Variants in DYM observed in about 807,000 individuals in gnomAD.
DYM encodes the protein dyggve-Melchior-Clausen syndrome protein.
DYM carries 78 observed loss-of-function variants against 93.1 expected under a neutral mutation model. The ratio of observed to expected loss-of-function variants is 0.84; its 90% CI spans 0.70 to 1.01. The LOEUF (loss-of-function observed/expected upper bound fraction) is 1.01, where lower values mean the gene tolerates loss of function less well. Among genes scored for constraint, DYM ranks in the 50% least tolerant of loss-of-function variants. The probability of loss-of-function intolerance (pLI) is 0.00; values close to 1 mark genes in which losing one functional copy is unlikely to be tolerated. For synonymous variants in DYM, 321 were observed against 319.7 expected, an observed-to-expected ratio of 1.00 and a Z score of -0.04; for missense variants, 789 against 845.0, an observed-to-expected ratio of 0.93 and a Z score of 0.82.
intron 2 of DYM, among the ~76,000 whole-genome samples, chr18:49,408,869 C>G (rs2071843075): frequency 6.6e-6 from 1 of 152,180 alleles, no homozygotes; most frequent in Non-Finnish European, 1.5e-5. Flanking sequence ...AGTTTATAAC[C>G]TCTATGGACT....
At position 49,405,544 on chromosome 18, in the gene DYM, T is replaced by C. The variant is rs76096394; in HGVS notation, c.141-13899A>G. ...TCCGCTTTGACAAAGATCAGATAGC[T>C]GTAGGTATATGGCTTTATTTCTGGG... On this transcript the variant is annotated intron_variant, in intron 2 of 17. Coordinates refer to ENST00000675505, the MANE Select transcript of DYM (RefSeq NM_001353214.3). 5.8e-4 allele frequency among the ~76,000 whole-genome samples: 89 copies of C among 152,352 alleles called. 1 individual carries two copies. The highest frequency in any genetic ancestry group is 1.0e-3 in the Non-Finnish European group (68 of 68,030).
intron 14 of DYM, among the ~76,000 whole-genome samples, chr18:49,176,129 T>C (rs370359584): frequency 6.6e-6 from 1 of 152,134 alleles, no homozygotes; most frequent in East Asian, 1.9e-4. Flanking sequence ...GAATTTCCCC[T>C]AGCTAAGGTA....
chr18:49,446,631 G>A (rs750622223), intron 1 of DYM, among the ~76,000 whole-genome samples: 10 of 152,212 alleles, frequency 6.6e-5, no homozygotes, highest in Non-Finnish European at 1.5e-4. Flanking sequence ...TATGTGGCCA[G>A]CAGTATGCAA....
chr18:49,075,962 T>C (rs761065474), intron 17 of DYM, among the ~76,000 whole-genome samples: 5 of 152,220 alleles, frequency 3.3e-5, no homozygotes, highest in Admixed American at 2.0e-4. Flanking sequence ...TTTTCTTTCA[T>C]TGGGGCTGTG....
intron 11 of DYM, among the ~76,000 whole-genome samples, chr18:49,270,571 C>T (rs2094671032): frequency 6.6e-6 from 1 of 152,018 alleles, no homozygotes; most frequent in Non-Finnish European, 1.5e-5. Flanking sequence ...TATCATTGCT[C>T]TTGCCACAAA....
At chr18:49,408,235 CA>C (rs905232143) in intron 2 of DYM, among the ~76,000 whole-genome samples, 8 of 152,058 alleles carry the variant, frequency 5.3e-5, no homozygotes, top group African/African-American at 1.2e-4. Context: ...GGTCCTTTTC[CA>C]TATCTAAAAA....
chr18:49,284,390 A>T (rs1324942116), intron 9 of DYM, among the ~76,000 whole-genome samples: 1 of 152,166 alleles, frequency 6.6e-6, no homozygotes, highest in Non-Finnish European at 1.5e-5. Context: ...TTAAGCCAAC[A>T]TTTTGCTTCA....
At chr18:49,331,798 T>C (rs1283906665) in intron 8 of DYM, 66 bp downstream of exon 8, 2 of 1,586,234 alleles carry the variant, frequency 1.3e-6, no homozygotes, top group South Asian at 1.1e-5. Context: ...GCAAACAGAA[T>C]TTCTTATGCC....
intron 5 of DYM, 43 bp from the exon 6 acceptor site, chr18:49,363,276 A>G: frequency 7.5e-7 from 1 of 1,324,800 alleles, no homozygotes; most frequent in East Asian, 2.3e-5. Flanking sequence ...CAAAGTACAC[A>G]GTAGAATACA....
At chr18:49,099,686 T>C (rs1195223808) in intron 16 of DYM, among the ~76,000 whole-genome samples, 19 of 152,196 alleles carry the variant, frequency 1.2e-4, no homozygotes. Flanking sequence ...AATTACAGAT[T>C]ACTAATCACA....
intron 6 of DYM, among the ~76,000 whole-genome samples, chr18:49,361,126 G>A (rs1227550315): frequency 1.3e-5 from 2 of 152,174 alleles, no homozygotes; most frequent in African/African-American, 4.8e-5. Context: ...CAATACTGGA[G>A]TTCTGTTAGA....
chr18:49,052,369 G>C (rs2075100906), intron 17 of DYM, among the ~76,000 whole-genome samples: 1 of 152,188 alleles, frequency 6.6e-6, no homozygotes, highest in Non-Finnish European at 1.5e-5. Flanking sequence ...AAAAATATGT[G>C]CTTCTCCCTC....
chr18:49,380,975 G>A (rs1277902308), intron 3 of DYM, among the ~76,000 whole-genome samples: 2 of 151,886 alleles, frequency 1.3e-5, no homozygotes, highest in Non-Finnish European at 2.9e-5. Context: ...GCAGATCTGG[G>A]AATTTCGCAT....
At chr18:49,201,205 T>G (rs1470424360) in intron 14 of DYM, among the ~76,000 whole-genome samples, 1 of 152,230 alleles carries the variant, frequency 6.6e-6, no homozygotes, top group Non-Finnish European at 1.5e-5. Flanking sequence ...ATATTTGCCA[T>G]GTTGATAGGA....
At chr18:49,048,892 T>C (rs772724995) in intron 17 of DYM, among the ~76,000 whole-genome samples, 4 of 152,180 alleles carry the variant, frequency 2.6e-5, no homozygotes, top group Non-Finnish European at 5.9e-5. Context: ...CATCTCACCC[T>C]CCACAAAGGC....
At chr18:49,301,519 T>A (rs1386324211) in intron 8 of DYM, among the ~76,000 whole-genome samples, 7 of 121,748 alleles carry the variant, frequency 5.7e-5, no homozygotes, top group Non-Finnish European at 8.1e-5. Context: ...AGACTCCGTC[T>A]CAGAAAAAAA....
At chr18:49,299,698 G>A (rs1407899467) in intron 8 of DYM, among the ~76,000 whole-genome samples, 1 of 151,994 alleles carries the variant, frequency 6.6e-6, no homozygotes, top group Non-Finnish European at 1.5e-5. Flanking sequence ...AAAACAATGA[G>A]AATTATTTAA....
chr18:49,384,759 G>A (rs1332891968), intron 3 of DYM, among the ~76,000 whole-genome samples: 1 of 151,962 alleles, frequency 6.6e-6, no homozygotes, highest in Non-Finnish European at 1.5e-5. Context: ...AACTGGCAGT[G>A]TAGAAAACAT....
intron 8 of DYM, among the ~76,000 whole-genome samples, chr18:49,328,884 A>G (rs1212257254): frequency 6.6e-6 from 1 of 152,208 alleles, no homozygotes; most frequent in Non-Finnish European, 1.5e-5. Context: ...GCGATTCCTC[A>G]GGGTTCTAGA....
Sources: gnomAD v4.1 joint callset for allele counts (sites outside exome capture counted in the v4.1 genomes callset) on GRCh38, gnomAD v4.1.1 for gene constraint, MANE v1.5 for transcripts, NCBI Gene and HGNC (gene_info 2026-07-23, HGNC 2026-07-21) for gene names.